TRPC6: variants seen among roughly 807,000 people sequenced by gnomAD.
The protein encoded by TRPC6 is short transient receptor potential channel 6.
Under a neutral mutation model 90.7 loss-of-function variants are expected in TRPC6, and 55 were observed. The observed-to-expected ratio is 0.61, with a 90% CI of 0.49 to 0.76. The LOEUF is 0.76. TRPC6 is among the 30% of genes least tolerant of loss of function. The pLI is 0.00. For synonymous variants in TRPC6, 393 were observed against 393.0 expected (o/e 1.00, Z 0.00); for missense variants, 989 against 1,122.7 (o/e 0.88, Z 1.70).
chr11:101,466,644 C>T (rs933044508), intron 10 of TRPC6, among the ~76,000 whole-genome samples: 6 of 152,152 alleles, frequency 3.9e-5, no homozygotes, highest in Admixed American at 6.5e-5. Flanking sequence ...TGCTGGGCTC[C>T]GTGGGGGTGG....
intron 9 of TRPC6, 64 bp from the exon 10 acceptor site, chr11:101,469,565 T>C (rs1859237984): frequency 1.5e-6 from 1 of 684,618 alleles, no homozygotes; most frequent in Middle Eastern, 3.2e-4. Context: ...CATTCTGTAT[T>C]TTAAAAGCCA....
chr11:101,469,939 C>CAGTTGAGGAAACTAGAACT (rs1859249846), intron 9 of TRPC6, among the ~76,000 whole-genome samples: 1 of 152,166 alleles, frequency 6.6e-6, no homozygotes, highest in Non-Finnish European at 1.5e-5. Context: ...TCACATATTA[C>CAGTTGAGGAAACTAGAACT]AGTTGAGGAA....
chr11:101,509,383 C>T (rs1338841313), intron 1 of TRPC6, among the ~76,000 whole-genome samples: 1 of 152,014 alleles, frequency 6.6e-6, no homozygotes, highest in Admixed American at 6.6e-5. Flanking sequence ...CAGGTATGAG[C>T]CACCACACCT....
At chr11:101,456,300 G>C (rs1858881171) in intron 10 of TRPC6, among the ~76,000 whole-genome samples, 1 of 152,092 alleles carries the variant, frequency 6.6e-6, no homozygotes, top group Non-Finnish European at 1.5e-5. Context: ...GGTCTACCTA[G>C]TTTCTATCAT....
intron 10 of TRPC6, among the ~76,000 whole-genome samples, chr11:101,468,409 T>C (rs911304650): frequency 6.6e-6 from 1 of 152,200 alleles, no homozygotes; most frequent in East Asian, 1.9e-4. Flanking sequence ...GATTCCTATG[T>C]TGTTGGGGGA....
chr11:101,482,224 C>T (rs892362259), intron 5 of TRPC6, among the ~76,000 whole-genome samples: 1 of 152,232 alleles, frequency 6.6e-6, no homozygotes, highest in Non-Finnish European at 1.5e-5. Context: ...GTCTCATTCA[C>T]TTTAGTATCC....
chr11:101,567,013 G>T (rs1861848471), intron 1 of TRPC6, among the ~76,000 whole-genome samples: 2 of 147,698 alleles, frequency 1.4e-5, no homozygotes, highest in Admixed American at 6.7e-5. Context: ...TGGAACGCCA[G>T]TGAGACAGAA....
At chr11:101,551,231 T>C (rs1861441845) in intron 1 of TRPC6, among the ~76,000 whole-genome samples, 1 of 152,008 alleles carries the variant, frequency 6.6e-6, no homozygotes, top group South Asian at 2.1e-4. Context: ...AATCATTAAA[T>C]ACAGTCAGTG....
At chr11:101,471,854 T>C (rs1443329528) in intron 8 of TRPC6, among the ~76,000 whole-genome samples, 3 of 152,172 alleles carry the variant, frequency 2.0e-5, no homozygotes, top group South Asian at 4.1e-4. Context: ...GAATAAAATA[T>C]AAATTCATGC....
chr11:101,525,995 A>C (rs954715732), intron 1 of TRPC6, among the ~76,000 whole-genome samples: 7 of 152,116 alleles, frequency 4.6e-5, no homozygotes, highest in Non-Finnish European at 8.8e-5. Flanking sequence ...AGTCCTTTGT[A>C]CTCATAGCCC....
intron 1 of TRPC6, among the ~76,000 whole-genome samples, chr11:101,547,567 A>G (rs897360203): frequency 4.6e-5 from 7 of 152,172 alleles, no homozygotes; most frequent in Non-Finnish European, 8.8e-5. Flanking sequence ...TACGTCAACC[A>G]TGCCCCCAGT....
chr11:101,540,432 C>T (rs772218156), intron 1 of TRPC6, among the ~76,000 whole-genome samples: 2 of 152,132 alleles, frequency 1.3e-5, no homozygotes, highest in East Asian at 1.9e-4. Context: ...TTCTTCACAG[C>T]GTATTTTTAA....
intron 1 of TRPC6, among the ~76,000 whole-genome samples, chr11:101,548,280 A>ATATATATATAAAATT (rs71303295): frequency 1.5e-5 from 2 of 135,514 alleles, no homozygotes; most frequent in Non-Finnish European, 3.2e-5. Context: ...TATAATTTAT[A>ATATATATATAAAATT]TATATAATTA....
At position 101,539,524 on chromosome 11, in the gene TRPC6, G is replaced by A. The variant is rs146560088; in HGVS notation, c.171-34726C>T. Among the ~76,000 whole-genome samples the A allele has an allele frequency of 9.2e-5, 14 of 152,228 alleles. No homozygotes were observed. The East Asian group carries it at 2.7e-3, about 29-fold the overall frequency. On this transcript the variant is annotated intron_variant, in intron 1 of 12. Transcript: ENST00000344327. ...CATCAACGTTCATTTTGGGGTTGTG[G>A]AGACACCTTGTCACCAATTTTGTCA...
chr11:101,568,631 A>C (rs1359279461), intron 1 of TRPC6, among the ~76,000 whole-genome samples: 1 of 152,226 alleles, frequency 6.6e-6, no homozygotes, highest in African/African-American at 2.4e-5. Flanking sequence ...TGGGTTACCC[A>C]CATAGGGAAG....
rs1858850840 is a variant in TRPC6, at chr11:101,455,037, T to C, written c.2549A>G (p.Asn850Ser). The change falls in exon 11 of 13, where the codon AAT (asparagine) becomes AGT (serine). Residue 850 changes from asparagine (N) to serine (S), a missense_variant. Around this residue, in one of 4 missense-constraint regions of TRPC6, gnomAD observed 191 missense variants for 196.7 expected, o/e 0.97. Coordinates refer to ENST00000344327, the MANE Select transcript of TRPC6 (RefSeq NM_004621.6). ...SEDFHLNSFNNPPRQYQKIMK... is the reference protein window; with the variant it reads ...SEDFHLNSFNSPPRQYQKIMK... Reference sequence around the variant, plus strand: ...GCTTACCTGATATTGTCTTGGAGGATTATTGAAACTATTTAGATGGAAATC... The same window carrying C: ...GCTTACCTGATATTGTCTTGGAGGACTATTGAAACTATTTAGATGGAAATC... 6.2e-7 allele frequency: 1 copy of C among 1,612,218 alleles called. No individual in the cohort carries two copies. Among genetic ancestry groups the C allele is most frequent in the South Asian group, 1.1e-5 (1 of 91,038 alleles).
intron 6 of TRPC6, among the ~76,000 whole-genome samples, chr11:101,475,248 C>T (rs536507906): frequency 1.1e-3 from 172 of 152,200 alleles, no homozygotes; most frequent in Non-Finnish European, 1.7e-3. Flanking sequence ...ACAATTCCTT[C>T]GTTTTCAAAT....
At chr11:101,527,847 G>A (rs1261316929) in intron 1 of TRPC6, among the ~76,000 whole-genome samples, 1 of 152,114 alleles carries the variant, frequency 6.6e-6, no homozygotes, top group East Asian at 1.9e-4. Flanking sequence ...GCCAAGGTGG[G>A]CGAATCATGA....
intron 9 of TRPC6, among the ~76,000 whole-genome samples, chr11:101,469,711 C>T (rs1859243364): frequency 6.6e-6 from 1 of 152,110 alleles, no homozygotes; most frequent in African/African-American, 2.4e-5. Context: ...GACCTGTAAA[C>T]CACCCATTTA....
Sources: allele counts gnomAD v4.1 joint callset (sites outside exome capture counted in the v4.1 genomes callset), GRCh38; gene constraint gnomAD v4.1.1; regional missense constraint gnomAD v4.1.1; transcripts MANE v1.5; gene names NCBI Gene and HGNC (gene_info 2026-07-23, HGNC 2026-07-21).